CCBE1: variants seen among roughly 807,000 people sequenced by gnomAD.
CCBE1 encodes the protein collagen and calcium binding EGF domains 1.
CCBE1 carries 37 observed loss-of-function variants against 50.0 expected under a neutral mutation model. The observed-to-expected ratio is 0.74, with a 90% CI of 0.57 to 0.97. The LOEUF (loss-of-function observed/expected upper bound fraction) is 0.97. Among genes scored for constraint, CCBE1 ranks in the 50% least tolerant of loss-of-function variants. CCBE1 has a pLI of 0.00. For synonymous variants in CCBE1, 234 were observed against 203.7 expected (o/e 1.15, Z -1.27); for missense variants, 538 against 523.8 (o/e 1.03, Z -0.26).
At chr18:59,494,098 G>A (rs533949429) in intron 2 of CCBE1, among the ~76,000 whole-genome samples, 4 of 152,134 alleles carry the variant, frequency 2.6e-5, no homozygotes, top group Non-Finnish European at 4.4e-5. Flanking sequence ...AACACACCTG[G>A]CTAGGGACAC....
chr18:59,569,445 T>C (rs1462938768), intron 2 of CCBE1, among the ~76,000 whole-genome samples: 1 of 152,196 alleles, frequency 6.6e-6, no homozygotes, highest in Non-Finnish European at 1.5e-5. Flanking sequence ...TCCTTTATTT[T>C]TTGCACTAGC....
intron 6 of CCBE1, among the ~76,000 whole-genome samples, chr18:59,450,000 T>C (rs994020122): frequency 2.0e-5 from 3 of 152,196 alleles, no homozygotes; most frequent in South Asian, 2.1e-4. Context: ...ACTGGCACTT[T>C]AGAGGCGGCT....
At chr18:59,507,876 G>GT (rs1444707298) in intron 2 of CCBE1, among the ~76,000 whole-genome samples, 1 of 150,430 alleles carries the variant, frequency 6.6e-6, no homozygotes, top group Non-Finnish European at 1.5e-5. Flanking sequence ...TGTTAATTAG[G>GT]TTTTTTTCCT....
intron 2 of CCBE1, among the ~76,000 whole-genome samples, chr18:59,670,562 C>T (rs73961289): frequency 0.012 from 1,814 of 152,274 alleles, 31 homozygotes; most frequent in African/African-American, 0.042. Context: ...GCCATGTAAC[C>T]ACCTCCATAT....
chr18:59,495,786 C>T (rs114479864), intron 2 of CCBE1, among the ~76,000 whole-genome samples: 1,812 of 152,166 alleles, frequency 0.012, 37 homozygotes, highest in African/African-American at 0.041. Flanking sequence ...CCAAGATGTA[C>T]GAGGGGGCAC....
Position 59,434,664 on chromosome 18 carries a change from G to C in CCBE1, c.*1244C>G, listed in dbSNP as rs760665132. ...AATAAATCAAAGAGAAGGCCTAAAAGAACTGGAACTTGGACTAAATTAAAG... is the reference window on the plus strand; with the variant it reads ...AATAAATCAAAGAGAAGGCCTAAAACAACTGGAACTTGGACTAAATTAAAG... On this transcript the variant is annotated 3_prime_UTR_variant, in exon 11 of 11. Coordinates refer to ENST00000439986, the MANE Select transcript of CCBE1 (RefSeq NM_133459.4). 6.6e-6 allele frequency: 1 copy of C among 152,114 alleles called. No individual in the cohort carries two copies. The highest frequency in any genetic ancestry group is 1.5e-5 in the Non-Finnish European group (1 of 68,016). The allele number at this position is 152,114 out of a possible 1,614,324, so 9.4% of individuals were successfully genotyped here.
chr18:59,595,233 T>A (rs993363082), intron 2 of CCBE1, among the ~76,000 whole-genome samples: 4 of 151,896 alleles, frequency 2.6e-5, no homozygotes, highest in Admixed American at 6.6e-5. Flanking sequence ...GCTTTTTTTT[T>A]TTTTTCTTGA....
intron 2 of CCBE1, among the ~76,000 whole-genome samples, chr18:59,612,056 T>C (rs2053575986): frequency 6.6e-6 from 1 of 152,052 alleles, no homozygotes; most frequent in Non-Finnish European, 1.5e-5. Context: ...AATTCACAGG[T>C]CTAAGCAGGA....
At chr18:59,589,319 T>C (rs535900500) in intron 2 of CCBE1, among the ~76,000 whole-genome samples, 7 of 152,288 alleles carry the variant, frequency 4.6e-5, no homozygotes, top group African/African-American at 1.7e-4. Context: ...TAGAGAAAGT[T>C]ACCTCTTACA....
chr18:59,671,200 A>G (rs2054424784), intron 2 of CCBE1, among the ~76,000 whole-genome samples: 1 of 151,836 alleles, frequency 6.6e-6, no homozygotes, highest in Admixed American at 6.6e-5. Context: ...ACCCTACAAT[A>G]AGAAGTGACC....
At chr18:59,556,257 G>A (rs1005760312) in intron 2 of CCBE1, among the ~76,000 whole-genome samples, 1 of 152,170 alleles carries the variant, frequency 6.6e-6, no homozygotes. Context: ...TGAGATCTCA[G>A]CAGAGCCAAA....
chr18:59,455,021 G>T, intron 5 of CCBE1, 70 bp from the exon 6 acceptor site: 4 of 1,220,704 alleles, frequency 3.3e-6, no homozygotes, highest in South Asian at 1.2e-5. Flanking sequence ...AGACAGCATC[G>T]GGAAGGGCGG....
intron 2 of CCBE1, among the ~76,000 whole-genome samples, chr18:59,599,130 G>A (rs901156727): frequency 7.9e-5 from 12 of 151,610 alleles, no homozygotes; most frequent in Admixed American, 2.0e-4. Flanking sequence ...TCCTCCCACC[G>A]TCAACCCAAT....
At chr18:59,500,281 G>A (rs1490181570) in intron 2 of CCBE1, among the ~76,000 whole-genome samples, 1 of 152,194 alleles carries the variant, frequency 6.6e-6, no homozygotes, top group Admixed American at 6.5e-5. Flanking sequence ...ACTCAGGTCT[G>A]GGAGACCTCT....
At chr18:59,647,065 A>T (rs1220219799) in intron 2 of CCBE1, among the ~76,000 whole-genome samples, 2 of 152,236 alleles carry the variant, frequency 1.3e-5, no homozygotes, top group African/African-American at 4.8e-5. Context: ...AATAATAGAA[A>T]TAGTGACTAA....
chr18:59,543,617 C>G (rs1047133732), intron 2 of CCBE1, among the ~76,000 whole-genome samples: 1 of 152,072 alleles, frequency 6.6e-6, no homozygotes, highest in Admixed American at 6.5e-5. Flanking sequence ...GGGCAGATCA[C>G]GAGGTCAGGA....
intron 5 of CCBE1, among the ~76,000 whole-genome samples, chr18:59,458,832 A>C (rs571610343): frequency 1.3e-5 from 2 of 152,308 alleles, no homozygotes; most frequent in African/African-American, 4.8e-5. Flanking sequence ...TCCTTTGTGG[A>C]ACTGTCAGAA....
intron 2 of CCBE1, among the ~76,000 whole-genome samples, chr18:59,603,318 T>C (rs1222171094): frequency 1.3e-5 from 2 of 152,236 alleles, no homozygotes; most frequent in African/African-American, 2.4e-5. Context: ...GATTCATGAA[T>C]TAATTTCATC....
chr18:59,457,567 C>T (rs905772529), intron 5 of CCBE1, among the ~76,000 whole-genome samples: 3 of 152,090 alleles, frequency 2.0e-5, no homozygotes, highest in Admixed American at 2.0e-4. Context: ...GAGGCGATGC[C>T]CAGCAGTTTT....
Sources: gnomAD v4.1 joint callset for allele counts (sites outside exome capture counted in the v4.1 genomes callset) on GRCh38, gnomAD v4.1.1 for gene constraint, MANE v1.5 for transcripts, NCBI Gene and HGNC (gene_info 2026-07-23, HGNC 2026-07-21) for gene names.